Variants in MYT1L observed in about 807,000 individuals in gnomAD.
MYT1L encodes myelin transcription factor 1 like, also known as myelin transcription factor 1-like protein.
MYT1L carries 12 observed loss-of-function variants against 126.7 expected under a neutral mutation model. The ratio of observed to expected loss-of-function variants is 0.09; its 90% CI spans 0.06 to 0.15. MYT1L has a LOEUF of 0.15. MYT1L is among the 10% of genes least tolerant of loss of function. The probability of loss-of-function intolerance (pLI) is 1.00; values close to 1 mark genes in which losing one functional copy is unlikely to be tolerated. For missense variants in MYT1L, 979 were observed against 1,585.2 expected (o/e 0.62, Z 6.49); for synonymous variants, 541 against 604.2 (o/e 0.90, Z 1.53).
At chr2:2,008,764 C>A (rs533042099) in intron 4 of MYT1L, among the ~76,000 whole-genome samples, 10 of 152,126 alleles carry the variant, frequency 6.6e-5, no homozygotes, top group African/African-American at 2.4e-4. Flanking sequence ...TGACCAAGGT[C>A]AAGGAGATTT....
chr2:2,254,151 AT>A (rs2094741865), intron 2 of MYT1L, among the ~76,000 whole-genome samples: 1 of 152,190 alleles, frequency 6.6e-6, no homozygotes, highest in African/African-American at 2.4e-5. Flanking sequence ...CCTTTTGCAG[AT>A]TTGCAACATA....
chr2:2,228,114 T>C lies in MYT1L; in HGVS notation c.-420-55126A>G, dbSNP rs1042559976. On this transcript the variant is annotated intron_variant, in intron 2 of 24. Transcript: ENST00000647738. This position sits in a 1 kb window ranked among gnomAD's most constrained non-coding sequence, Gnocchi z 5.9. ...GATGTTCAGACCATGTATATCTCTA[T>C]GCAAGGATTACAGATAATATAATCA... 2.0e-5 allele frequency among the ~76,000 whole-genome samples: 3 copies of C among 152,226 alleles called. No individual in the cohort carries two copies. The highest frequency in any genetic ancestry group is 4.4e-5 in the Non-Finnish European group (3 of 68,024).
chr2:2,140,861 G>A (rs1464930631), intron 3 of MYT1L, among the ~76,000 whole-genome samples: 3 of 152,150 alleles, frequency 2.0e-5, no homozygotes, highest in Non-Finnish European at 4.4e-5. Flanking sequence ...GAGCCACTGC[G>A]CCTGGCCTGG....
chr2:1,956,803 T>G (rs185193580), intron 8 of MYT1L, among the ~76,000 whole-genome samples: 4 of 152,104 alleles, frequency 2.6e-5, no homozygotes, highest in Non-Finnish European at 5.9e-5. Context: ...AGGCAGTTCT[T>G]CTCACACAGT....
chr2:2,130,272 A>G (rs1447088404), intron 3 of MYT1L, among the ~76,000 whole-genome samples: 3 of 151,984 alleles, frequency 2.0e-5, no homozygotes, highest in African/African-American at 7.2e-5. Flanking sequence ...AATATAACAG[A>G]AGAGTTCCAC....
chr2:1,846,869 C>A (rs1475607326), intron 19 of MYT1L, among the ~76,000 whole-genome samples: 2 of 152,196 alleles, frequency 1.3e-5, no homozygotes, highest in Admixed American at 6.5e-5. Context: ...TGGTGAGGAG[C>A]CACCTCTCCG....
chr2:2,010,184 T>C (rs953392796), intron 4 of MYT1L, among the ~76,000 whole-genome samples: 2 of 152,200 alleles, frequency 1.3e-5, no homozygotes, highest in African/African-American at 4.8e-5. Context: ...CTCCTGCTTC[T>C]CCTCCTGCTT....
intron 2 of MYT1L, among the ~76,000 whole-genome samples, chr2:2,269,275 G>A (rs981533445): frequency 9.9e-5 from 15 of 152,196 alleles, no homozygotes; most frequent in African/African-American, 3.6e-4. Flanking sequence ...AGATCAAATT[G>A]TTACAGAAGC....
In MYT1L at chr2:2,240,772, G is replaced by A. The variant is rs573480612; in HGVS notation, c.-421+43632C>T. Among the ~76,000 whole-genome samples, 4 of 152,266 alleles carry A rather than the reference G, an allele frequency of 2.6e-5. No homozygotes were observed. The East Asian group carries it at 5.8e-4, about 22-fold the overall frequency. ...GGTAAAACACGGTGTCACTCTCCCCGCCAGCCCCGCGTGCCAGCGGCCTTA... is the reference window on the plus strand; with the variant it reads ...GGTAAAACACGGTGTCACTCTCCCCACCAGCCCCGCGTGCCAGCGGCCTTA... On this transcript the variant is annotated intron_variant, in intron 2 of 24. Transcript: ENST00000647738.
chr2:2,115,880 G>C (rs2080142653), intron 3 of MYT1L, among the ~76,000 whole-genome samples: 1 of 150,640 alleles, frequency 6.6e-6, no homozygotes, highest in African/African-American at 2.5e-5. Context: ...CTGAGAAGTA[G>C]GATGCACCAC....
intron 4 of MYT1L, among the ~76,000 whole-genome samples, chr2:2,026,450 C>T (rs1007174035): frequency 6.6e-6 from 1 of 152,168 alleles, no homozygotes; most frequent in South Asian, 2.1e-4. Flanking sequence ...TGGCCCGGGC[C>T]GAGGGAGGCC....
At chr2:2,098,396 G>C (rs1180803434) in intron 3 of MYT1L, among the ~76,000 whole-genome samples, 1 of 152,168 alleles carries the variant, frequency 6.6e-6, no homozygotes, top group African/African-American at 2.4e-5. Flanking sequence ...CACAGTGTTG[G>C]TTCTTAACAC....
chr2:1,986,915 G>A (rs1307989198), intron 5 of MYT1L, among the ~76,000 whole-genome samples: 1 of 152,202 alleles, frequency 6.6e-6, no homozygotes, highest in Non-Finnish European at 1.5e-5. Context: ...TCAAGGAATG[G>A]CTGGGCAGGA....
chr2:2,271,361 A>G (rs538965995), intron 2 of MYT1L, among the ~76,000 whole-genome samples: 5 of 152,316 alleles, frequency 3.3e-5, no homozygotes, highest in Admixed American at 3.3e-4. Flanking sequence ...TTACATTCCT[A>G]AAACAATGTT....
At chr2:2,159,733 C>T (rs1225404387) in intron 3 of MYT1L, among the ~76,000 whole-genome samples, 1 of 152,036 alleles carries the variant, frequency 6.6e-6, no homozygotes, top group African/African-American at 2.4e-5. Flanking sequence ...GCCCTCGCAG[C>T]CTTCGGCCCA....
At chr2:2,037,559 C>A (rs1436372538) in intron 4 of MYT1L, among the ~76,000 whole-genome samples, 1 of 151,628 alleles carries the variant, frequency 6.6e-6, no homozygotes, top group East Asian at 1.9e-4. Context: ...AGTTTAAGAC[C>A]AGCCTGGCCA....
At chr2:2,013,741 G>C (rs963192933) in intron 4 of MYT1L, among the ~76,000 whole-genome samples, 1 of 152,210 alleles carries the variant, frequency 6.6e-6, no homozygotes, top group African/African-American at 2.4e-5. Context: ...ACCAGAAAGG[G>C]GAGAGCCCTG....
At chr2:1,869,046 G>C (rs529807340) in intron 18 of MYT1L, among the ~76,000 whole-genome samples, 1 of 152,370 alleles carries the variant, frequency 6.6e-6, no homozygotes, top group Non-Finnish European at 1.5e-5. Flanking sequence ...ATGGGTGCTA[G>C]AGCTTCAGCC....
intron 3 of MYT1L, among the ~76,000 whole-genome samples, chr2:2,150,762 G>C (rs950477234): frequency 6.6e-6 from 1 of 151,682 alleles, no homozygotes; most frequent in Non-Finnish European, 1.5e-5. Context: ...TTGATGTGAA[G>C]AGCATATTCT....
Sources: gnomAD v4.1 joint callset for allele counts (sites outside exome capture counted in the v4.1 genomes callset) on GRCh38, gnomAD v4.1.1 for gene constraint, Gnocchi (gnomAD v3.1) non-coding constraint, MANE v1.5 for transcripts, NCBI Gene and HGNC (gene_info 2026-07-23, HGNC 2026-07-21) for gene names.